Variants in DGKZ observed in about 807,000 individuals in gnomAD.
DGKZ encodes DAG kinase zeta.
DGKZ carries 45 observed loss-of-function variants against 142.5 expected under a neutral mutation model. The ratio of observed to expected loss-of-function variants is 0.32; its 90% CI spans 0.25 to 0.40. The LOEUF (loss-of-function observed/expected upper bound fraction) is 0.40, where lower values mean the gene tolerates loss of function less well. Ranked by LOEUF, DGKZ falls within the 10% of genes least tolerant of loss-of-function variation. The pLI is 1.00. For synonymous variants in DGKZ, 442 were observed against 527.0 expected, an observed-to-expected ratio of 0.84 and a Z score of 2.21; for missense variants, 755 against 1,306.5, an observed-to-expected ratio of 0.58 and a Z score of 6.51.
intron 6 of DGKZ, among the ~76,000 whole-genome samples, chr11:46,371,021 G>C (rs1016670466): frequency 1.3e-5 from 2 of 152,180 alleles, no homozygotes; most frequent in African/African-American, 4.8e-5. Context: ...GAAGGTGGAG[G>C]TTGCAGTGAG....
At chr11:46,349,531 G>A (rs1720726849) in intron 1 of DGKZ, among the ~76,000 whole-genome samples, 1 of 151,562 alleles carries the variant, frequency 6.6e-6, no homozygotes, top group Admixed American at 6.6e-5. Flanking sequence ...AAAATAAGCA[G>A]GGTAGGTGGT....
At chr11:46,365,820 A>C (rs1943181906) in intron 1 of DGKZ, 2 of 985,320 alleles carry the variant, frequency 2.0e-6, no homozygotes, top group South Asian at 4.7e-5. Context: ...CCATCCAGGC[A>C]GACCGACTCC....
chr11:46,367,149 C>T lies in DGKZ; in HGVS notation c.162-142C>T, dbSNP rs143446579. 1.5e-4 allele frequency: 187 copies of T among 1,236,524 alleles called. No homozygotes were observed. The East Asian group carries it at 4.6e-3, about 31-fold the overall frequency. The allele number at this position is 1,236,524 out of a possible 1,614,324, so 76.6% of individuals were successfully genotyped here. On this transcript the variant is annotated intron_variant, in intron 1 of 30. Coordinates refer to ENST00000527911, the Ensembl canonical transcript of DGKZ. The surrounding 1 kb of genome is among the most constrained non-coding windows in gnomAD (Gnocchi z 4.1). ...AAAAGGCCATGTCTCTTGCAGGGAG[C>T]CTCTTAGTGTCTGGGGCTGCTGGGA... is the stretch of plus-strand genomic sequence containing the variant.
At chr11:46,363,251 A>G (rs1443511624) in intron 1 of DGKZ, among the ~76,000 whole-genome samples, 1 of 152,188 alleles carries the variant, frequency 6.6e-6, no homozygotes, top group African/African-American at 2.4e-5. Flanking sequence ...AGAGGTTTCT[A>G]TGGAGACCAG....
intron 1 of DGKZ, chr11:46,361,747 T>C: frequency 3.9e-6 from 3 of 771,116 alleles, no homozygotes; most frequent in Non-Finnish European, 4.7e-6. Flanking sequence ...TTCTGCTTCC[T>C]CCCTCTGTAT....
At chr11:46,355,838 T>C (rs1265886893) in intron 1 of DGKZ, among the ~76,000 whole-genome samples, 1 of 152,022 alleles carries the variant, frequency 6.6e-6, no homozygotes, top group Non-Finnish European at 1.5e-5. Flanking sequence ...CCCCTGCCTC[T>C]GAGGTTCAAG....
intron 22 of DGKZ, 88 bp from the exon 23 acceptor site, chr11:46,376,240 C>T (rs1944519355): frequency 1.2e-6 from 2 of 1,605,256 alleles, no homozygotes; most frequent in Admixed American, 1.7e-5. Flanking sequence ...CCTGCGGAGC[C>T]TCCTCTGTGC....
At chr11:46,365,929 G>T (rs1049569936) in intron 1 of DGKZ, 2 of 985,320 alleles carry the variant, frequency 2.0e-6, no homozygotes, top group African/African-American at 3.5e-5. Context: ...GATGGGGGAA[G>T]AAGGGGTAGC....
At chr11:46,370,102 C>T (rs1334239210) in intron 6 of DGKZ, 93 bp downstream of exon 6, 9 of 1,505,086 alleles carry the variant, frequency 6.0e-6, no homozygotes, top group Non-Finnish European at 7.4e-6. Flanking sequence ...ACTGACCACA[C>T]CCTGGTGTGC....
At chr11:46,369,852 A>T in intron 5 of DGKZ, 89 bp from the exon 6 acceptor site, 3 of 1,414,996 alleles carry the variant, frequency 2.1e-6, no homozygotes, top group Non-Finnish European at 3.0e-6. Context: ...CGCTTCCTGC[A>T]GCCCCGTGTG....
chr11:46,376,464 G>C (rs1431077525), intron 23 of DGKZ, 60 bp from the exon 24 acceptor site: 7 of 1,613,794 alleles, frequency 4.3e-6, no homozygotes, highest in Middle Eastern at 1.7e-4. Context: ...GGTAGGGGCA[G>C]CAGAGGACCT....
upstream of DGKZ, among the ~76,000 whole-genome samples, chr11:46,343,229 T>A (rs1353743115): frequency 6.6e-6 from 1 of 152,228 alleles, no homozygotes; most frequent in Non-Finnish European, 1.5e-5. Flanking sequence ...AGTAAGATTT[T>A]TGGCACAGAA....
At chr11:46,345,793 G>C (rs1940555087), upstream of DGKZ, among the ~76,000 whole-genome samples, 1 of 152,196 alleles carries the variant, frequency 6.6e-6, no homozygotes, top group Non-Finnish European at 1.5e-5. This position sits in a 1 kb window ranked among gnomAD's most constrained non-coding sequence, Gnocchi z 4.1. Context: ...AGAGAGGCCA[G>C]GAGTTGAGCA....
intron 6 of DGKZ, among the ~76,000 whole-genome samples, chr11:46,370,255 CA>C (rs1295165595): frequency 6.6e-6 from 1 of 152,234 alleles, no homozygotes; most frequent in East Asian, 1.9e-4. Context: ...TTTGAAGCTG[CA>C]AGTGGCCCTT....
chr11:46,370,016 G>A lies in DGKZ; in HGVS notation c.570+7G>A, dbSNP rs1943769555. On this transcript the variant is annotated splice_region_variant and intron_variant, in intron 6 of 30. Coordinates refer to ENST00000527911, the Ensembl canonical transcript of DGKZ. The stretch of plus-strand genomic sequence containing the variant: ...GTGTCGGCACTGTGGGAAGGTGAGA[G>A]GCCCTGCCCGAGGACATCGCCACCT... 1 of 1,613,614 alleles carries A rather than the reference G, an allele frequency of 6.2e-7. No homozygotes were observed. The highest frequency in any genetic ancestry group is 8.5e-7 in the Non-Finnish European group (1 of 1,180,016).
Position 46,367,524 on chromosome 11 carries a change from A to AG in DGKZ, c.270+125_270+126insG, listed in dbSNP as rs1943448921. 8.0e-7 allele frequency: 1 copy of AG among 1,246,124 alleles called. No individual in the cohort carries two copies. The highest frequency in any genetic ancestry group is 1.6e-5 in the African/African-American group (1 of 63,284). 77.2% of individuals were successfully genotyped at this position (1,246,124 alleles called of 1,614,324 possible). On this transcript the variant is annotated intron_variant, in intron 2 of 30. Coordinates refer to ENST00000527911, the Ensembl canonical transcript of DGKZ. The surrounding 1 kb of genome is among the most constrained non-coding windows in gnomAD (Gnocchi z 4.1). ...TGGAAGGGTTGGGACAGTGGGGCAG[A>AG]CGGAACAGAGCAGGGTCGATCGGGG...
Position 46,367,735 on chromosome 11 carries a change from A to C in DGKZ, c.354A>C (p.Val118=), listed in dbSNP as rs747311652. The C allele has an allele frequency of 6.2e-7, 1 of 1,613,338 alleles. No individual in the cohort carries two copies. The highest frequency in any genetic ancestry group is 8.5e-7 in the Non-Finnish European group (1 of 1,179,982). ...GCTACGTTGGGGAGCAGTACTGTGT[A>C]GCCAGGATGCTGGTGAGTGCTCGTA... is the stretch of plus-strand genomic sequence containing the variant. Residue 118 remains valine, a synonymous_variant, in exon 3 of 31, where the codon GTA becomes GTC. Transcript: ENST00000527911. This position sits in a 1 kb window ranked among gnomAD's most constrained non-coding sequence, Gnocchi z 4.1.
intron 25 of DGKZ, 64 bp from the exon 26 acceptor site, chr11:46,378,134 G>A: frequency 6.4e-7 from 1 of 1,569,632 alleles, no homozygotes. Flanking sequence ...CCCAGTTGGG[G>A]TTGGGGAGGG....
intron 1 of DGKZ, among the ~76,000 whole-genome samples, chr11:46,359,243 T>G (rs965685335): frequency 6.0e-5 from 9 of 148,970 alleles, no homozygotes; most frequent in African/African-American, 2.0e-4. Flanking sequence ...GAGTTCGAGG[T>G]CAGCCTGGCC....
Sources: gnomAD v4.1 joint callset for allele counts (sites outside exome capture counted in the v4.1 genomes callset) on GRCh38, gnomAD v4.1.1 for gene constraint, Gnocchi (gnomAD v3.1) non-coding constraint, MANE v1.5 for transcripts, NCBI Gene and HGNC (gene_info 2026-07-23, HGNC 2026-07-21) for gene names.